MTHFD1L: variants seen among roughly 807,000 people sequenced by gnomAD.
MTHFD1L encodes monofunctional C1-tetrahydrofolate synthase, mitochondrial.
Under a neutral mutation model 119.5 loss-of-function variants are expected in MTHFD1L, and 81 were observed. That is an observed-to-expected ratio of 0.68 (90% CI 0.57 to 0.82). The LOEUF (loss-of-function observed/expected upper bound fraction) is 0.82. Ranked by LOEUF, MTHFD1L falls within the 40% of genes least tolerant of loss-of-function variation. The probability of loss-of-function intolerance (pLI) is 0.00; values close to 1 mark genes in which losing one functional copy is unlikely to be tolerated. For missense variants in MTHFD1L, 1,125 were observed against 1,253.4 expected (o/e 0.90, Z 1.55); for synonymous variants, 430 against 475.2 (o/e 0.90, Z 1.24).
chr6:151,068,193 GA>G (rs771737827), intron 26 of MTHFD1L, among the ~76,000 whole-genome samples: 19 of 152,232 alleles, frequency 1.2e-4, no homozygotes, highest in Non-Finnish European at 2.2e-4. Flanking sequence ...TCAGTCTAAA[GA>G]TGACAAAGAA....
At chr6:151,085,013 TTATATA>T (rs1793649986) in intron 26 of MTHFD1L, among the ~76,000 whole-genome samples, 1 of 129,928 alleles carries the variant, frequency 7.7e-6, no homozygotes, top group African/African-American at 2.9e-5. Flanking sequence ...ATGTATATAT[TTATATA>T]TGTATATACA....
intron 26 of MTHFD1L, among the ~76,000 whole-genome samples, chr6:151,046,426 T>C (rs1364132873): frequency 1.4e-5 from 2 of 147,096 alleles, no homozygotes; most frequent in Admixed American, 6.8e-5. Context: ...ACTCATATAC[T>C]TTCATACAAC....
In MTHFD1L at chr6:151,037,083, T is replaced by C. The variant is rs115732448; in HGVS notation, c.2813T>C (p.Ile938Thr). 1 of 1,612,010 alleles carries C rather than the reference T, an allele frequency of 6.2e-7. No homozygotes were observed. Among genetic ancestry groups the C allele is most frequent in the Non-Finnish European group, 8.5e-7 (1 of 1,179,866 alleles). The change falls in exon 26 of 28, where the codon ATA becomes ACA. Residue 938 changes from isoleucine (I) to threonine (T), a missense_variant. Transcript: ENST00000367321. ...ILPISDVRAS[I>T]GAGFIYPLVG... ...CCTATCAGTGACGTCCGGGCCAGCA[T>C]AGGCGCTGGGTTCATTTACCCTTTG...
chr6:151,044,958 C>T (rs942035300), intron 26 of MTHFD1L, among the ~76,000 whole-genome samples: 2 of 152,144 alleles, frequency 1.3e-5, no homozygotes, highest in African/African-American at 4.8e-5. Flanking sequence ...CAGTTCAGCT[C>T]GGTTTGTTTT....
chr6:151,001,392 C>T (rs914275372), intron 20 of MTHFD1L, among the ~76,000 whole-genome samples: 2 of 152,218 alleles, frequency 1.3e-5, no homozygotes, highest in African/African-American at 4.8e-5. Context: ...ACTATCTCAG[C>T]ACTTCAGTTT....
intron 20 of MTHFD1L, among the ~76,000 whole-genome samples, chr6:150,981,456 T>A (rs1041840253): frequency 6.6e-6 from 1 of 152,232 alleles, no homozygotes; most frequent in Non-Finnish European, 1.5e-5. Flanking sequence ...CGGCACCTCA[T>A]TGCACATTAG....
At chr6:151,099,045 G>A (rs59624174) in intron 27 of MTHFD1L, among the ~76,000 whole-genome samples, 2,835 of 151,986 alleles carry the variant, frequency 0.019, 100 homozygotes, top group African/African-American at 0.064. Context: ...GCATGGTGGC[G>A]GGTACCTGTA....
rs552047167 is a variant in MTHFD1L, at chr6:150,966,882, A to T, written c.2013+1845A>T. Reference sequence around the variant, plus strand: ...CCATTTCTGAAGGTGCCCAGTGAGGATGCAGACTGCAGGTGTCCCCTGAGC... The same window carrying T: ...CCATTTCTGAAGGTGCCCAGTGAGGTTGCAGACTGCAGGTGTCCCCTGAGC... On this transcript the variant is annotated intron_variant, in intron 19 of 27. Transcript: ENST00000367321. Among the ~76,000 whole-genome samples the T allele has an allele frequency of 1.2e-4, 18 of 152,284 alleles. No homozygotes were observed. In the South Asian group the frequency reaches 3.7e-3, roughly 32 times the overall value.
rs554748301 is a variant in MTHFD1L, at chr6:150,975,137, C to T, written c.2125+3079C>T. On this transcript the variant is annotated intron_variant, in intron 20 of 27. Transcript: ENST00000367321. ...CTACATTGGACATTTGACTTGTTTC[C>T]ACCTTTGGCTCTTATGAATAATGCT... Among the ~76,000 whole-genome samples the T allele has an allele frequency of 4.6e-5, 7 of 152,292 alleles. 1 individual carries two copies. The South Asian group carries it at 1.5e-3, about 32-fold the overall frequency.
chr6:151,023,974 G>A (rs1440828421), intron 24 of MTHFD1L, among the ~76,000 whole-genome samples: 5 of 151,926 alleles, frequency 3.3e-5, no homozygotes, highest in African/African-American at 1.2e-4. Context: ...ATGATCACAG[G>A]AACAAACATT....
rs189933545 is a variant in MTHFD1L at position 150,877,642 on chromosome 6, C to T, written c.321C>T (p.Asp107=). 6.2e-6 allele frequency: 10 copies of T among 1,614,094 alleles called. No homozygotes were observed. The highest frequency in any genetic ancestry group is 4.5e-5 in the East Asian group (2 of 44,886). ...KPVLAIIQAG[D]DNLMQEINQN... ...GTTTTTACCTTCCTAAGGCAGGTGA[C>T]GACAACTTGATGCAGGAAATCAACC... is the stretch of plus-strand genomic sequence containing the variant. The change falls in exon 3 of 28, where the codon GAC becomes GAT. Residue 107 remains aspartate (D), a synonymous_variant. Coordinates refer to ENST00000367321, the MANE Select transcript of MTHFD1L (RefSeq NM_015440.5).
At chr6:151,076,047 G>A (rs59836026) in intron 26 of MTHFD1L, among the ~76,000 whole-genome samples, 4,243 of 152,206 alleles carry the variant, frequency 0.028, 189 homozygotes, top group African/African-American at 0.096. Context: ...AGTGAATACC[G>A]CTGCATAGCT....
At position 151,026,470 on chromosome 6, in the gene MTHFD1L, A is replaced by G. The variant is rs144354254; in HGVS notation, c.2587-8023A>G. On this transcript the variant is annotated intron_variant, in intron 24 of 27. Coordinates refer to ENST00000367321, the MANE Select transcript of MTHFD1L (RefSeq NM_015440.5). Reference sequence around the variant, plus strand: ...ATAGCCACATGAGGCCAGTGAACACACGATACATCTTCCATTGTGATAGAA... The same window carrying G: ...ATAGCCACATGAGGCCAGTGAACACGCGATACATCTTCCATTGTGATAGAA... Among the ~76,000 whole-genome samples the G allele has an allele frequency of 6.2e-3, 946 of 152,294 alleles. 8 individuals carry two copies. The highest frequency in any genetic ancestry group is 0.021 in the African/African-American group (868 of 41,550).
rs1584260565 is a variant in MTHFD1L at position 151,038,152 on chromosome 6, G to A, written c.2847+1035G>A. Among the ~76,000 whole-genome samples the A allele has an allele frequency of 2.0e-5, 3 of 152,302 alleles. No homozygotes were observed. The South Asian group carries it at 6.2e-4, about 32-fold the overall frequency. On this transcript the variant is annotated intron_variant, in intron 26 of 27. Transcript: ENST00000367321. ...GGCACAGAGATTTTAGGATGAGCAG[G>A]TGTGAGACGCATGGGTTTGAATAGC...
chr6:151,091,318 A>G (rs1211337518), intron 26 of MTHFD1L, among the ~76,000 whole-genome samples: 1 of 119,546 alleles, frequency 8.4e-6, no homozygotes, highest in Non-Finnish European at 1.8e-5. Flanking sequence ...TTTGTATGAA[A>G]CACTCACTAT....
At chr6:150,918,830 A>T (rs1788428289) in intron 9 of MTHFD1L, among the ~76,000 whole-genome samples, 162 bp downstream of exon 9, 1 of 152,192 alleles carries the variant, frequency 6.6e-6, no homozygotes, top group African/African-American at 2.4e-5. Flanking sequence ...TTGAAAAATG[A>T]AGTGAGTTGC....
chr6:150,897,260 C>T (rs566533166), intron 7 of MTHFD1L, among the ~76,000 whole-genome samples: 5 of 152,310 alleles, frequency 3.3e-5, no homozygotes, highest in African/African-American at 1.2e-4. Context: ...ATAATTAAAA[C>T]ACCATCTATC....
intron 4 of MTHFD1L, 136 bp from the exon 5 acceptor site, chr6:150,882,626 T>C (rs1696101367): frequency 1.6e-6 from 1 of 618,348 alleles, no homozygotes; most frequent in Non-Finnish European, 2.5e-6. Context: ...TTACACCAAG[T>C]TTCCAACAAG....
Position 150,865,916 on chromosome 6 carries a change from AGCAGCG to A in MTHFD1L, c.97_102del (p.Ser33_Gly34del). On this transcript the variant is annotated inframe_deletion, in exon 1 of 28. Transcript: ENST00000367321. The stretch of plus-strand genomic sequence containing the variant: ...CCGCCTCCGTGTGCCCTGTCGCGCT[AGCAGCG>A]GCGGCGGCGGAGGCGGCGGCGGTGG... 2.5e-6 allele frequency: 3 copies of A among 1,197,308 alleles called. No individual in the cohort carries two copies. The highest frequency in any genetic ancestry group is 8.1e-5 in the South Asian group (2 of 24,802). The allele number at this position is 1,197,308 out of a possible 1,614,324, so 74.2% of individuals were successfully genotyped here. A position where few individuals can be genotyped will look rare whatever the true frequency, so the allele number is the denominator to read the frequency against.
Sources: gnomAD v4.1 joint callset for allele counts (sites outside exome capture counted in the v4.1 genomes callset) on GRCh38, gnomAD v4.1.1 for gene constraint, MANE v1.5 for transcripts, NCBI Gene and HGNC (gene_info 2026-07-23, HGNC 2026-07-21) for gene names.